Variants in CBLN2 observed in about 807,000 individuals in gnomAD.
CBLN2 encodes cerebellin 2 precursor, also known as cerebellin-2.
CBLN2 carries 7 observed loss-of-function variants against 15.0 expected under a neutral mutation model. That is an observed-to-expected ratio of 0.47 (90% confidence interval 0.27 to 0.88). The LOEUF (loss-of-function observed/expected upper bound fraction) is 0.88. CBLN2 is among the 40% of genes least tolerant of loss of function. The pLI, the probability that CBLN2 is intolerant of heterozygous loss-of-function variation, is 0.14. For synonymous variants in CBLN2, 149 were observed against 135.2 expected (o/e 1.10, Z -0.71); for missense variants, 242 against 304.5 (o/e 0.79, Z 1.53).
At chr18:72,632,777 C>G (rs1456686958) in intron 1 of CBLN2, among the ~76,000 whole-genome samples, 1 of 152,188 alleles carries the variant, frequency 6.6e-6, no homozygotes, top group Non-Finnish European at 1.5e-5. Flanking sequence ...CACTAGGTTA[C>G]TTCAAACTCT....
chr18:72,604,150 G>C (rs941574036), intron 1 of CBLN2, among the ~76,000 whole-genome samples: 4 of 152,170 alleles, frequency 2.6e-5, no homozygotes, highest in African/African-American at 4.8e-5. Flanking sequence ...GTGGTTCAGT[G>C]GTTCAAGGCC....
At chr18:72,600,533 G>A (rs1286738135) in intron 1 of CBLN2, among the ~76,000 whole-genome samples, 3 of 152,248 alleles carry the variant, frequency 2.0e-5, no homozygotes, top group Admixed American at 1.3e-4. Context: ...CAGAGTCCTT[G>A]GCATGGCTGG....
chr18:72,601,688 C>T (rs1239300228), intron 1 of CBLN2, among the ~76,000 whole-genome samples: 1 of 152,094 alleles, frequency 6.6e-6, no homozygotes, highest in Non-Finnish European at 1.5e-5. Flanking sequence ...TAAATTCCTT[C>T]CTTATCAGCA....
intron 1 of CBLN2, among the ~76,000 whole-genome samples, chr18:72,612,806 T>C (rs1021163255): frequency 1.3e-5 from 2 of 152,230 alleles, no homozygotes; most frequent in African/African-American, 4.8e-5. Context: ...TGTGTGTTTG[T>C]ATTTTATTTC....
At chr18:72,560,067 T>C (rs1346689605) in intron 1 of CBLN2, among the ~76,000 whole-genome samples, 1 of 152,228 alleles carries the variant, frequency 6.6e-6, no homozygotes, top group East Asian at 1.9e-4. Flanking sequence ...GGAGTTTGTG[T>C]ATTTCCTGAG....
intron 1 of CBLN2, among the ~76,000 whole-genome samples, chr18:72,625,808 C>CTATATATA (rs1399918601): frequency 1.9e-4 from 12 of 64,620 alleles, no homozygotes; most frequent in South Asian, 7.5e-4. Flanking sequence ...CTCTCTCTCT[C>CTATATATA]TCTCTCTCTC....
chr18:72,582,567 A>C (rs2069413237), intron 1 of CBLN2, among the ~76,000 whole-genome samples: 1 of 152,154 alleles, frequency 6.6e-6, no homozygotes, highest in South Asian at 2.1e-4. Flanking sequence ...GATTAATAGG[A>C]GAGAATGCAT....
At chr18:72,602,766 C>T (rs1483374160) in intron 1 of CBLN2, among the ~76,000 whole-genome samples, 1 of 152,196 alleles carries the variant, frequency 6.6e-6, no homozygotes, top group East Asian at 1.9e-4. Context: ...GCTTCAGCTC[C>T]TGTTGGAGTT....
At chr18:72,608,280 G>T (rs1384624520) in intron 1 of CBLN2, among the ~76,000 whole-genome samples, 2 of 152,090 alleles carry the variant, frequency 1.3e-5, no homozygotes, top group Admixed American at 1.3e-4. Context: ...CTTTTCTCCT[G>T]GGGGGATAAG....
intron 1 of CBLN2, among the ~76,000 whole-genome samples, chr18:72,569,148 A>C (rs567756346): frequency 4.6e-5 from 7 of 152,292 alleles, no homozygotes; most frequent in African/African-American, 1.7e-4. Flanking sequence ...TATCTTTTTA[A>C]GAGAACCAGT....
At chr18:72,593,365 T>G (rs548374095) in intron 1 of CBLN2, among the ~76,000 whole-genome samples, 26 of 152,220 alleles carry the variant, frequency 1.7e-4, no homozygotes, top group Non-Finnish European at 2.6e-4. Context: ...CTTTGTATCT[T>G]GAAAATTTTT....
intron 1 of CBLN2, among the ~76,000 whole-genome samples, chr18:72,621,297 CTCAGGTGTTGAGGA>C (rs1697289997): frequency 6.6e-6 from 1 of 152,116 alleles, no homozygotes; most frequent in Non-Finnish European, 1.5e-5. Flanking sequence ...TTTACTAATA[CTCAGGTGTTGAGGA>C]TCTAGTCTAG....
At position 72,625,822 on chromosome 18, in the gene CBLN2, A is replaced by C. The variant is rs1352848329; in HGVS notation, c.15+12503T>G. Among the ~76,000 whole-genome samples, 300 of 88,908 alleles carry C rather than the reference A, an allele frequency of 3.4e-3. 1 individual carries two copies. The highest frequency in any genetic ancestry group is 0.012 in the African/African-American group (257 of 21,782). The allele number at this position is 88,908 out of a possible 152,430, so 58.3% of individuals were successfully genotyped here. A position where few individuals can be genotyped will look rare whatever the true frequency, so the allele number is the denominator to read the frequency against. ...TCTCTCTCTCTCTCTCTCTCTCTATATATATATATATATATATATATAGTA... is the reference window on the plus strand; with the variant it reads ...TCTCTCTCTCTCTCTCTCTCTCTATCTATATATATATATATATATATAGTA... On this transcript the variant is annotated intron_variant, in intron 1 of 2. Coordinates refer to the CBLN2 transcript ENST00000581073.
At chr18:72,631,429 G>A (rs1488800068) in intron 1 of CBLN2, among the ~76,000 whole-genome samples, 2 of 115,846 alleles carry the variant, frequency 1.7e-5, no homozygotes, top group Admixed American at 8.5e-5. Flanking sequence ...AGGCTAGTGT[G>A]TATTAAAAAA....
chr18:72,568,258 C>G lies in CBLN2; in HGVS notation c.16-29486G>C, dbSNP rs73478263. 6.1e-3 allele frequency among the ~76,000 whole-genome samples: 929 copies of G among 152,300 alleles called. 9 individuals are homozygous for G. The highest frequency in any genetic ancestry group is 0.021 in the African/African-American group (885 of 41,564). ...ATACTCTAACAGGGTAATTCTCAAACTTTGGTCTCAGGATCCTTTAACCTT... is the reference window on the plus strand; with the variant it reads ...ATACTCTAACAGGGTAATTCTCAAAGTTTGGTCTCAGGATCCTTTAACCTT... On this transcript the variant is annotated intron_variant, in intron 1 of 2. Coordinates refer to the CBLN2 transcript ENST00000581073.
At chr18:72,598,966 C>T (rs1335813048) in intron 1 of CBLN2, among the ~76,000 whole-genome samples, 1 of 152,172 alleles carries the variant, frequency 6.6e-6, no homozygotes, top group Admixed American at 6.5e-5. Context: ...GGCTGCCTTT[C>T]CTACCGTCTT....
intron 3 of CBLN2, 167 bp from the exon 4 acceptor site, chr18:72,538,939 T>A: frequency 1.5e-6 from 1 of 685,576 alleles, no homozygotes. Context: ...GTGCTGAAGT[T>A]AAAAGATCCT....
chr18:72,560,276 C>G (rs981217011), intron 1 of CBLN2, among the ~76,000 whole-genome samples: 1 of 152,128 alleles, frequency 6.6e-6, no homozygotes, highest in Non-Finnish European at 1.5e-5. Context: ...CATCTGTGCA[C>G]GTAGGAAAAT....
At chr18:72,563,366 T>A (rs186903034) in intron 1 of CBLN2, among the ~76,000 whole-genome samples, 14 of 152,344 alleles carry the variant, frequency 9.2e-5, no homozygotes, top group Admixed American at 8.5e-4. Context: ...TGGTTCTGAA[T>A]GAAGACTTGT....
Sources: allele counts gnomAD v4.1 joint callset (sites outside exome capture counted in the v4.1 genomes callset), GRCh38; gene constraint gnomAD v4.1.1; transcripts MANE v1.5; gene names NCBI Gene and HGNC (gene_info 2026-07-23, HGNC 2026-07-21).